AATF: variants seen among roughly 807,000 people sequenced by gnomAD.
AATF encodes the protein protein AATF.
A neutral mutation model predicts 63.7 loss-of-function variants in AATF; 48 were observed. That is an observed-to-expected ratio of 0.75 (90% CI 0.60 to 0.96). The LOEUF (loss-of-function observed/expected upper bound fraction) is 0.96. Among genes scored for constraint, AATF ranks in the 40% least tolerant of loss-of-function variants. AATF has a pLI of 0.00. For missense variants in AATF, 639 were observed against 685.7 expected, an observed-to-expected ratio of 0.93 and a Z score of 0.76; for synonymous variants, 258 against 247.7, an observed-to-expected ratio of 1.04 and a Z score of -0.39.
chr17:37,025,001 A>G (rs1261863482), intron 10 of AATF, among the ~76,000 whole-genome samples: 1 of 152,164 alleles, frequency 6.6e-6, no homozygotes, highest in Non-Finnish European at 1.5e-5. Context: ...ATAAAGGACT[A>G]GAAAGTTATG....
At chr17:37,023,815 A>G (rs138067066) in intron 10 of AATF, among the ~76,000 whole-genome samples, 1 of 152,040 alleles carries the variant, frequency 6.6e-6, no homozygotes, top group Non-Finnish European at 1.5e-5. Context: ...TCTGTGGAGG[A>G]TTGGTTCCAG....
chr17:37,029,818 C>G (rs904886911), intron 10 of AATF, among the ~76,000 whole-genome samples: 2 of 152,214 alleles, frequency 1.3e-5, no homozygotes, highest in African/African-American at 4.8e-5. Context: ...TGCCCCCCCT[C>G]AGCCTCCCAA....
chr17:37,047,817 G>A (rs8081863), intron 11 of AATF, among the ~76,000 whole-genome samples: 2,267 of 152,318 alleles, frequency 0.015, 51 homozygotes, highest in African/African-American at 0.038. Flanking sequence ...ACTTGGAAAC[G>A]AGTCGTGTAC....
chr17:36,976,581 G>A (rs1272368435), intron 4 of AATF, among the ~76,000 whole-genome samples: 1 of 152,130 alleles, frequency 6.6e-6, no homozygotes, highest in African/African-American at 2.4e-5. Context: ...AAGATATTAG[G>A]ATGTTATTAT....
intron 8 of AATF, among the ~76,000 whole-genome samples, chr17:37,012,948 G>A (rs2071403059): frequency 6.6e-6 from 1 of 152,202 alleles, no homozygotes; most frequent in South Asian, 2.1e-4. Context: ...TTAGGCAATG[G>A]TTTCTTAGAT....
chr17:36,958,653 C>T (rs1184350158), intron 4 of AATF, among the ~76,000 whole-genome samples: 3 of 152,152 alleles, frequency 2.0e-5, no homozygotes, highest in Non-Finnish European at 4.4e-5. Context: ...ATGCCTTCAC[C>T]AGCTTAAGCA....
intron 11 of AATF, chr17:37,034,530 A>G (rs1187757933): frequency 6.6e-6 from 1 of 152,194 alleles, no homozygotes; most frequent in Non-Finnish European, 1.5e-5. Context: ...TAAGTTATAC[A>G]TATGTCATTC....
At chr17:37,039,896 C>T (rs963987260) in intron 11 of AATF, among the ~76,000 whole-genome samples, 1 of 152,206 alleles carries the variant, frequency 6.6e-6, no homozygotes. Context: ...GATAAAAGCA[C>T]ATCTTCTAGA....
intron 4 of AATF, among the ~76,000 whole-genome samples, chr17:36,958,239 T>C (rs958183205): frequency 1.3e-5 from 2 of 152,138 alleles, no homozygotes; most frequent in African/African-American, 4.8e-5. Flanking sequence ...CTCAACTCAC[T>C]GCAACTTCTG....
intron 6 of AATF, among the ~76,000 whole-genome samples, chr17:36,989,005 A>G (rs1025590582): frequency 6.6e-6 from 1 of 152,222 alleles, no homozygotes; most frequent in African/African-American, 2.4e-5. Flanking sequence ...TTTCAAAGCA[A>G]TAATTATTAA....
In AATF at chr17:36,986,647, C is replaced by A; in HGVS notation, c.863C>A (p.Ser288Ter). 1 of 1,614,048 alleles carries A rather than the reference C, an allele frequency of 6.2e-7. No individual in the cohort carries two copies. The highest frequency in any genetic ancestry group is 1.1e-5 in the South Asian group (1 of 91,058). The change falls in exon 5 of 12, where the codon TCA becomes TAA. Residue 288 changes from serine (S) to a stop codon, truncating the protein, a stop_gained. Transcript: ENST00000619387. LOFTEE classifies it high-confidence loss of function. Reference protein sequence around the residue: ...SHKALKALLRSLVGLQEELLF... With the variant: ...SHKALKALLR ...AAGGCACTTAAAGCATTGTTGAGGT[C>A]ATTGGTAGGTCTTCAGGAAGAGTTG...
At chr17:36,981,065 G>A (rs2071119851) in intron 4 of AATF, among the ~76,000 whole-genome samples, 2 of 152,082 alleles carry the variant, frequency 1.3e-5, no homozygotes, top group African/African-American at 2.4e-5. Flanking sequence ...GAACATATGA[G>A]AGAGTATTAA....
At chr17:36,950,186 C>T in intron 1 of AATF, 28 bp from the exon 2 acceptor site, 7 of 1,604,800 alleles carry the variant, frequency 4.4e-6, no homozygotes, top group Non-Finnish European at 6.0e-6. Context: ...CCTGGAGATT[C>T]TGTTTACTTT....
chr17:36,962,505 A>G (rs1420928173), intron 4 of AATF, among the ~76,000 whole-genome samples: 1 of 151,786 alleles, frequency 6.6e-6, no homozygotes, highest in Non-Finnish European at 1.5e-5. Flanking sequence ...TAGAAAATGC[A>G]TTTCACTGTT....
chr17:37,031,820 C>A, intron 11 of AATF, 135 bp downstream of exon 11: 1 of 722,538 alleles, frequency 1.4e-6, no homozygotes, highest in Non-Finnish European at 2.4e-6. Flanking sequence ...AGGGTCACAT[C>A]TCTTCACCCT....
intron 8 of AATF, among the ~76,000 whole-genome samples, chr17:37,010,332 C>T (rs2071380916): frequency 6.6e-6 from 1 of 152,112 alleles, no homozygotes; most frequent in Admixed American, 6.5e-5. Context: ...GTGGTGGGTG[C>T]CTGTAGTCCC....
intron 4 of AATF, among the ~76,000 whole-genome samples, chr17:36,971,768 G>A (rs887165720): frequency 2.6e-5 from 4 of 152,142 alleles, no homozygotes; most frequent in Non-Finnish European, 5.9e-5. Flanking sequence ...AACCTCAAGG[G>A]TATTATACTA....
intron 11 of AATF, among the ~76,000 whole-genome samples, chr17:37,042,118 A>G (rs992631803): frequency 5.3e-5 from 8 of 151,778 alleles, no homozygotes; most frequent in African/African-American, 1.9e-4. Context: ...GTTTTTGTAG[A>G]TTTCCATATT....
chr17:37,033,281 T>G (rs1597734404), intron 11 of AATF, among the ~76,000 whole-genome samples: 1 of 152,312 alleles, frequency 6.6e-6, no homozygotes. Context: ...CAGAGTAAAG[T>G]GAGTGCATCT....
Sources: gnomAD v4.1 joint callset for allele counts (sites outside exome capture counted in the v4.1 genomes callset) on GRCh38, gnomAD v4.1.1 for gene constraint, MANE v1.5 for transcripts, NCBI Gene and HGNC (gene_info 2026-07-23, HGNC 2026-07-21) for gene names.